TXNDC11: variants seen among roughly 807,000 people sequenced by gnomAD.
TXNDC11 encodes thioredoxin domain-containing protein 11.
TXNDC11 carries 68 observed loss-of-function variants against 78.0 expected under a neutral mutation model. The ratio of observed to expected loss-of-function variants is 0.87; its 90% confidence interval spans 0.72 to 1.07. TXNDC11 has a LOEUF of 1.07. TXNDC11 is among the 50% of genes least tolerant of loss of function. TXNDC11 has a pLI of 0.00. For missense variants in TXNDC11, 1,389 were observed against 1,221.8 expected, an observed-to-expected ratio of 1.14 and a Z score of -2.04; for synonymous variants, 571 against 495.2, an observed-to-expected ratio of 1.15 and a Z score of -2.03.
rs141677246 is a variant in TXNDC11, at chr16:11,686,983, G to A, written c.2153+874C>T. On this transcript the variant is annotated intron_variant, in intron 10 of 11. Transcript: ENST00000283033. ...TCGCAAGGACTCAGTCAGGTAATAT[G>A]TATATCAAAAACTCTCCCAACATAG... is the stretch of plus-strand genomic sequence containing the variant. Among the ~76,000 whole-genome samples, 151 of 152,228 alleles carry A rather than the reference G, an allele frequency of 9.9e-4. 1 individual carries two copies. The East Asian group carries it at 0.027, about 27-fold the overall frequency.
In TXNDC11 at chr16:11,700,462, T is replaced by C; in HGVS notation, c.896A>G (p.Asn299Ser). The C allele has an allele frequency of 6.6e-7, 1 of 1,522,540 alleles. No individual in the cohort carries two copies. The highest frequency in any genetic ancestry group is 9.1e-7 in the Non-Finnish European group (1 of 1,101,686). The allele number at this position is 1,522,540 out of a possible 1,614,324, so 94.3% of individuals were successfully genotyped here. ...TTTCAAAATACTTACAAGTGATGTG[T>C]TGAAATGTCTATGTAAATACACACT... The part of the protein sequence containing the change: ...SGSVYLHRHF[N>S]TSLVFPREVL... Residue 299 changes from asparagine (N) to serine (S), a missense_variant, in exon 6 of 12, where the codon AAC becomes AGC. Transcript: ENST00000283033.
At chr16:11,692,259 G>T in intron 7 of TXNDC11, 177 bp from the exon 8 acceptor site, 1 of 563,030 alleles carries the variant, frequency 1.8e-6, no homozygotes. Context: ...ATGTCGCTCT[G>T]AGTAGTGTGA....
chr16:11,684,328 A>G (rs933173437), intron 10 of TXNDC11, 83 bp from the exon 11 acceptor site: 1 of 1,026,300 alleles, frequency 9.7e-7, no homozygotes, highest in Non-Finnish European at 1.5e-6. Flanking sequence ...TAACTTCAAG[A>G]ACCTGGTGCA....
At chr16:11,737,460 A>G (rs2052258763) in intron 1 of TXNDC11, among the ~76,000 whole-genome samples, 1 of 151,844 alleles carries the variant, frequency 6.6e-6, no homozygotes, top group Non-Finnish European at 1.5e-5. Flanking sequence ...AAAAAAAAAG[A>G]AAGAAAGTAA....
intron 1 of TXNDC11, among the ~76,000 whole-genome samples, chr16:11,740,485 A>T (rs185199483): frequency 8.0e-4 from 122 of 152,360 alleles, no homozygotes; most frequent in Middle Eastern, 6.8e-3. Flanking sequence ...CTTCTGTATC[A>T]ATTAAGCCAT....
At chr16:11,711,165 T>C (rs2051341443) in intron 5 of TXNDC11, among the ~76,000 whole-genome samples, 1 of 150,554 alleles carries the variant, frequency 6.6e-6, no homozygotes, top group South Asian at 2.2e-4. Flanking sequence ...CAAGAGGGAA[T>C]CACCATATCA....
chr16:11,707,033 G>T (rs1389139414), intron 5 of TXNDC11, among the ~76,000 whole-genome samples: 1 of 152,144 alleles, frequency 6.6e-6, no homozygotes, highest in African/African-American at 2.4e-5. Flanking sequence ...GCAAATTCTG[G>T]TATATTTGGG....
At chr16:11,680,029 T>A (rs8191354) in intron 11 of TXNDC11, among the ~76,000 whole-genome samples, 192 bp from the exon 12 acceptor site, 1,545 of 152,278 alleles carry the variant, frequency 0.01, 31 homozygotes, top group African/African-American at 0.035. Flanking sequence ...TCCCATATGC[T>A]CGTTCTGTAA....
chr16:11,691,527 TCTC>T lies in TXNDC11; in HGVS notation c.1660_1662del (p.Glu554del). On this transcript the variant is annotated inframe_deletion, in exon 8 of 12. Transcript: ENST00000283033. ...TCCACTTCTGGAAAGAGATACCTGT[TCTC>T]CTCAATGTGAGGAACGGAGCTTGGG... The T allele has an allele frequency of 6.2e-7, 1 of 1,614,064 alleles. No homozygotes were observed. The highest frequency in any genetic ancestry group is 1.1e-5 in the South Asian group (1 of 91,076).
At chr16:11,703,754 G>A (rs988926340) in intron 5 of TXNDC11, 7 of 700,994 alleles carry the variant, frequency 1.0e-5, no homozygotes, top group Non-Finnish European at 1.8e-5. Context: ...TCCAGAGCTG[G>A]GGTGAAGAAA....
chr16:11,703,597 G>C, intron 5 of TXNDC11: 2 of 683,282 alleles, frequency 2.9e-6, no homozygotes. Context: ...ACATGTGTGG[G>C]TATAATACAC....
At chr16:11,740,505 G>T (rs980437700) in intron 1 of TXNDC11, among the ~76,000 whole-genome samples, 7 of 152,216 alleles carry the variant, frequency 4.6e-5, no homozygotes, top group African/African-American at 1.4e-4. Context: ...TGCTGTCTCA[G>T]AACAAACATT....
chr16:11,730,512 G>C (rs905710391), intron 4 of TXNDC11, 133 bp downstream of exon 4: 2 of 873,962 alleles, frequency 2.3e-6, no homozygotes, highest in Admixed American at 4.6e-5. Context: ...ATTTAACTGG[G>C]GCTGATCTAT....
chr16:11,689,726 C>T (rs994323000), intron 8 of TXNDC11, among the ~76,000 whole-genome samples: 1 of 152,148 alleles, frequency 6.6e-6, no homozygotes, highest in African/African-American at 2.4e-5. Flanking sequence ...AAATCTAATA[C>T]AGACTACCTC....
chr16:11,726,603 T>C (rs2051887175), intron 4 of TXNDC11, among the ~76,000 whole-genome samples: 1 of 149,388 alleles, frequency 6.7e-6, no homozygotes, highest in Admixed American at 6.7e-5. Flanking sequence ...AAAAAAAAAT[T>C]TCCACTCTAA....
intron 8 of TXNDC11, among the ~76,000 whole-genome samples, chr16:11,689,559 T>A (rs1489891006): frequency 1.3e-5 from 2 of 152,220 alleles, no homozygotes; most frequent in Non-Finnish European, 2.9e-5. Flanking sequence ...ATTCTGTCAC[T>A]AACTGCAGGA....
At chr16:11,684,552 A>G (rs986211299) in intron 10 of TXNDC11, among the ~76,000 whole-genome samples, 1 of 152,226 alleles carries the variant, frequency 6.6e-6, no homozygotes, top group Non-Finnish European at 1.5e-5. Context: ...GGATCTAGCC[A>G]AGTATTTTAA....
chr16:11,742,839 G>T lies in TXNDC11; in HGVS notation c.-109C>A, dbSNP rs555210816. 8 of 1,346,450 alleles carry T rather than the reference G, an allele frequency of 5.9e-6. No individual in the cohort carries two copies. In the African/African-American group the frequency reaches 9.2e-5, roughly 15 times the overall value. The allele number at this position is 1,346,450 out of a possible 1,614,324, so 83.4% of individuals were successfully genotyped here. On this transcript the variant is annotated 5_prime_UTR_variant, in exon 1 of 12. Coordinates refer to ENST00000283033, the MANE Select transcript of TXNDC11 (RefSeq NM_015914.7). ...GCAGCTCGCCGCACCCGCTAACCCG[G>T]ACGCTCCACGTCAGCCGCGCCGCCG...
intron 4 of TXNDC11, among the ~76,000 whole-genome samples, chr16:11,722,378 T>C (rs948172082): frequency 6.6e-6 from 1 of 152,242 alleles, no homozygotes. Context: ...ACCAATTAAC[T>C]GTCCCCTACC....
Sources: allele counts gnomAD v4.1 joint callset (sites outside exome capture counted in the v4.1 genomes callset), GRCh38; gene constraint gnomAD v4.1.1; transcripts MANE v1.5; gene names NCBI Gene and HGNC (gene_info 2026-07-23, HGNC 2026-07-21).